The following CASQ2 variants were observed in gnomAD, a reference collection of about 807,000 sequenced individuals.
CASQ2 encodes the protein calsequestrin 2, also known as calsequestrin-2.
In CASQ2, 49 loss-of-function variants were observed where a neutral mutation model predicts 46.5. The observed-to-expected ratio is 1.05, with a 90% CI of 0.84 to 1.34. The LOEUF (loss-of-function observed/expected upper bound fraction) is 1.34. CASQ2 is among the 40% of genes most tolerant of loss of function. The pLI is 0.00. For synonymous variants in CASQ2, 174 were observed against 168.5 expected, an observed-to-expected ratio of 1.03 and a Z score of -0.25; for missense variants, 486 against 481.3, an observed-to-expected ratio of 1.01 and a Z score of -0.09.
Position 115,740,759 on chromosome 1 carries a change from G to A in CASQ2, c.389C>T (p.Ala130Val), listed in dbSNP as rs867815346. 5.6e-6 allele frequency: 9 copies of A among 1,612,674 alleles called. No individual in the cohort carries two copies. The highest frequency in any genetic ancestry group is 7.6e-6 in the Non-Finnish European group (9 of 1,178,940). ...GAGGAACTCCACCAAGACATCAGCT[G>A]CAAACTCGCCATCAAACTCTATTGT... is the stretch of plus-strand genomic sequence containing the variant. ...DRTIEFDGEF[A>V]ADVLVEFLLD... The change falls in exon 3 of 11, where the codon GCA becomes GTA. Residue 130 changes from alanine to valine, a missense_variant. Coordinates refer to ENST00000261448, the MANE Select transcript of CASQ2 (RefSeq NM_001232.4).
chr1:115,767,955 T>C (rs752599312), intron 1 of CASQ2, among the ~76,000 whole-genome samples: 5 of 152,124 alleles, frequency 3.3e-5, no homozygotes, highest in Non-Finnish European at 7.3e-5. Flanking sequence ...CCACAAGTAG[T>C]CCCTGGATTT....
chr1:115,762,570 CAT>C (rs1214911621), intron 1 of CASQ2, among the ~76,000 whole-genome samples: 2 of 152,270 alleles, frequency 1.3e-5, no homozygotes, highest in South Asian at 2.1e-4. Flanking sequence ...AACTACAAAA[CAT>C]GTGAATATAA....
intron 5 of CASQ2, among the ~76,000 whole-genome samples, chr1:115,730,866 G>C (rs1322899508): frequency 6.6e-6 from 1 of 152,118 alleles, no homozygotes; most frequent in African/African-American, 2.4e-5. Flanking sequence ...GATTCCCTAG[G>C]ATGTGTTGTA....
In CASQ2 at chr1:115,717,888, C is replaced by T; in HGVS notation, c.790G>A (p.Asp264Asn). Reference sequence around the variant, plus strand: ...GCCACAATGTGGATCCCATTCAAATCATCTTCCTGTATGAGAAAAGTAACA... The same window carrying T: ...GCCACAATGTGGATCCCATTCAAATTATCTTCCTGTATGAGAAAAGTAACA... ...PEEMFETWED[D>N]LNGIHIVAFA... Residue 264 changes from aspartate to asparagine, a missense_variant, in exon 8 of 11, where the codon GAT becomes AAT. Coordinates refer to ENST00000261448, the MANE Select transcript of CASQ2 (RefSeq NM_001232.4). 1 of 1,609,312 alleles carries T rather than the reference C, an allele frequency of 6.2e-7. No individual in the cohort carries two copies. The highest frequency in any genetic ancestry group is 8.5e-7 in the Non-Finnish European group (1 of 1,175,582).
intron 8 of CASQ2, among the ~76,000 whole-genome samples, chr1:115,707,120 G>C (rs6428688): frequency 0.39 from 59,887 of 151,620 alleles, 12,980 homozygotes; most frequent in African/African-American, 0.57. Flanking sequence ...AGGCTCCAGT[G>C]ATCCTCCTGT....
intron 2 of CASQ2, among the ~76,000 whole-genome samples, chr1:115,741,387 C>T (rs1648173219): frequency 6.6e-6 from 1 of 152,240 alleles, no homozygotes; most frequent in African/African-American, 2.4e-5. Flanking sequence ...GGAATGACCT[C>T]CATCTTGCTT....
intron 4 of CASQ2, among the ~76,000 whole-genome samples, chr1:115,735,933 G>C (rs1570828295): frequency 6.6e-6 from 1 of 152,020 alleles, no homozygotes; most frequent in Non-Finnish European, 1.5e-5. Flanking sequence ...AGGCCGAGGC[G>C]GGTGGATCAT....
chr1:115,727,294 C>T (rs1431342566), intron 5 of CASQ2, among the ~76,000 whole-genome samples, 172 bp from the exon 6 acceptor site: 2 of 152,088 alleles, frequency 1.3e-5, no homozygotes, highest in African/African-American at 2.4e-5. Context: ...CCTGGCTAGA[C>T]TAATCTTCTT....
At chr1:115,725,607 C>T (rs1333599662) in intron 6 of CASQ2, 54 bp from the exon 7 acceptor site, 1 of 1,541,112 alleles carries the variant, frequency 6.5e-7, no homozygotes, top group East Asian at 2.4e-5. Context: ...GTAGGGATCA[C>T]TGTGGCAGAC....
At chr1:115,734,849 T>G (rs1283408691) in intron 4 of CASQ2, among the ~76,000 whole-genome samples, 2 of 152,190 alleles carry the variant, frequency 1.3e-5, no homozygotes, top group African/African-American at 2.4e-5. Flanking sequence ...TGACCAGAAA[T>G]GCTTGGAATA....
rs761798969 is a variant in CASQ2, at chr1:115,705,207, C to T, written c.924G>A (p.Pro308=). 14 of 1,612,322 alleles carry T rather than the reference C, an allele frequency of 8.7e-6. No homozygotes were observed. The highest frequency in any genetic ancestry group is 5.3e-5 in the African/African-American group (4 of 74,878). The change falls in exon 9 of 11, where the codon CCG becomes CCA. Residue 308 remains proline, a synonymous_variant. Transcript: ENST00000261448. The stretch of plus-strand genomic sequence containing the variant: ...AGCCACTCACCAGAGGAAAGTCGTC[C>T]GGGTCGATCCACAGGATGCTCAGAT... ...NPDLSILWID[P]DDFPLLVAYW...
chr1:115,727,846 C>T (rs1027249401), intron 5 of CASQ2, among the ~76,000 whole-genome samples: 19 of 152,100 alleles, frequency 1.2e-4, no homozygotes, highest in South Asian at 4.2e-4. Context: ...ATAAAGAGCT[C>T]GGAGAGCCAG....
At chr1:115,718,047 G>A (rs569284014) in intron 7 of CASQ2, among the ~76,000 whole-genome samples, 153 bp from the exon 8 acceptor site, 1 of 152,266 alleles carries the variant, frequency 6.6e-6, no homozygotes, top group Admixed American at 6.5e-5. Context: ...GGAGTACAGC[G>A]GGGCTCACAT....
intron 2 of CASQ2, 54 bp from the exon 3 acceptor site, chr1:115,740,882 A>T: frequency 8.0e-7 from 1 of 1,250,042 alleles, no homozygotes; most frequent in Non-Finnish European, 1.2e-6. Flanking sequence ...AGGAAGAGTG[A>T]TTGTATTGGC....
intron 1 of CASQ2, among the ~76,000 whole-genome samples, chr1:115,756,636 G>A (rs17034489): frequency 2.6e-5 from 4 of 151,984 alleles, no homozygotes; most frequent in South Asian, 2.1e-4. Flanking sequence ...GGTATCTCAC[G>A]TCCCCGTTTT....
At chr1:115,741,022 G>T (rs969771692) in intron 2 of CASQ2, among the ~76,000 whole-genome samples, 194 bp from the exon 3 acceptor site, 2 of 152,228 alleles carry the variant, frequency 1.3e-5, no homozygotes, top group African/African-American at 4.8e-5. Context: ...ATTGGAAATA[G>T]TCCAGAACAA....
intron 8 of CASQ2, among the ~76,000 whole-genome samples, chr1:115,706,273 T>C (rs2101057234): frequency 1.3e-5 from 2 of 152,284 alleles, no homozygotes; most frequent in Middle Eastern, 6.8e-3. Flanking sequence ...TCTCCATTGT[T>C]TCAGGGAATC....
Position 115,727,080 on chromosome 1 carries a change from A to G in CASQ2, c.649T>C (p.Tyr217His), listed in dbSNP as rs760682221. 1.2e-6 allele frequency: 2 copies of G among 1,613,302 alleles called. No homozygotes were observed. The highest frequency in any genetic ancestry group is 2.2e-5 in the East Asian group (1 of 44,870). The change falls in exon 6 of 11, where the codon TAT becomes CAT. Residue 217 changes from tyrosine (Y) to histidine (H), a missense_variant. Tyr to His is a moderately conservative substitution (Grantham distance 83, BLOSUM62 2). Transcript: ENST00000261448. ...LSLKMNEVDFYEPFMDEPIAI... is the reference protein window; with the variant it reads ...LSLKMNEVDFHEPFMDEPIAI... ...ATGGGCTCATCCATAAATGGCTCATAGAAGTCAACCTCATTCATCTTCAAA... is the reference window on the plus strand; with the variant it reads ...ATGGGCTCATCCATAAATGGCTCATGGAAGTCAACCTCATTCATCTTCAAA...
chr1:115,718,003 G>T, intron 7 of CASQ2, 109 bp from the exon 8 acceptor site: 1 of 802,542 alleles, frequency 1.2e-6, no homozygotes. Context: ...GGTAGGGAGA[G>T]GTGTGGAAGC....
Sources: allele counts gnomAD v4.1 joint callset (sites outside exome capture counted in the v4.1 genomes callset), GRCh38; gene constraint gnomAD v4.1.1; transcripts MANE v1.5; gene names NCBI Gene and HGNC (gene_info 2026-07-23, HGNC 2026-07-21).